Variants in RBFOX1 observed in about 807,000 individuals in gnomAD.
The protein encoded by RBFOX1 is RNA binding protein fox-1 homolog 1.
RBFOX1 carries 8 observed loss-of-function variants against 57.7 expected under a neutral mutation model. The ratio of observed to expected loss-of-function variants is 0.14; its 90% CI spans 0.08 to 0.25. The LOEUF (loss-of-function observed/expected upper bound fraction) is 0.25, where lower values mean the gene tolerates loss of function less well. Ranked by LOEUF, RBFOX1 falls within the 10% of genes least tolerant of loss-of-function variation. The pLI, the probability that RBFOX1 is intolerant of heterozygous loss-of-function variation, is 1.00. For synonymous variants in RBFOX1, 326 were observed against 222.4 expected, an observed-to-expected ratio of 1.47 and a Z score of -4.15; for missense variants, 611 against 548.5, an observed-to-expected ratio of 1.11 and a Z score of -1.14.
chr16:5,933,517 A>G (rs1188011795), intron 4 of RBFOX1, among the ~76,000 whole-genome samples: 1 of 152,174 alleles, frequency 6.6e-6, no homozygotes, highest in Non-Finnish European at 1.5e-5. Context: ...GATGTGAAAA[A>G]CGGATGCTCC....
chr16:6,671,293 T>G lies in RBFOX1; in HGVS notation c.-16+16643T>G, dbSNP rs1013512324. Among the ~76,000 whole-genome samples, 8 of 152,282 alleles carry G rather than the reference T, an allele frequency of 5.3e-5. No homozygotes were observed. The East Asian group carries it at 1.5e-3, about 29-fold the overall frequency. ...AACATGATAGAGTATTATGCGGCTA[T>G]TAAAAATGATGAATACACTTGTGTC... is the stretch of plus-strand genomic sequence containing the variant. On this transcript the variant is annotated intron_variant, in intron 3 of 15. Transcript: ENST00000550418.
At position 6,412,759 on chromosome 16, in the gene RBFOX1, G is replaced by A. The variant is rs111992880; in HGVS notation, c.-64+95702G>A. On this transcript the variant is annotated intron_variant, in intron 2 of 15. Coordinates refer to ENST00000550418, the MANE Select transcript of RBFOX1 (RefSeq NM_018723.4). Reference sequence around the variant, plus strand: ...GTGAAGCACTTACTTAGTTGTCTCGGAACCATCTAATGATCTGATTCAGTG... The same window carrying A: ...GTGAAGCACTTACTTAGTTGTCTCGAAACCATCTAATGATCTGATTCAGTG... 5.9e-5 allele frequency among the ~76,000 whole-genome samples: 9 copies of A among 152,264 alleles called. No individual in the cohort carries two copies. In the South Asian group the frequency reaches 8.3e-4, roughly 14 times the overall value.
downstream of RBFOX1, among the ~76,000 whole-genome samples, chr16:5,603,043 T>C (rs1371340126): frequency 6.6e-6 from 1 of 152,176 alleles, no homozygotes; most frequent in Non-Finnish European, 1.5e-5. Flanking sequence ...TGCTCCAGAA[T>C]GCAGAACACT....
intron 4 of RBFOX1, among the ~76,000 whole-genome samples, chr16:7,183,079 C>T (rs1316076810): frequency 2.0e-5 from 3 of 152,042 alleles, no homozygotes; most frequent in Non-Finnish European, 4.4e-5. Flanking sequence ...GCGAATGATC[C>T]CCTAACTGCC....
chr16:7,121,665 C>A (rs1231011246), intron 4 of RBFOX1, among the ~76,000 whole-genome samples: 1 of 151,880 alleles, frequency 6.6e-6, no homozygotes, highest in Non-Finnish European at 1.5e-5. Context: ...AATCAAAATT[C>A]TAGCAGGTAT....
chr16:7,192,765 C>A (rs368560453), intron 4 of RBFOX1, among the ~76,000 whole-genome samples: 4 of 152,186 alleles, frequency 2.6e-5, no homozygotes, highest in African/African-American at 9.7e-5. Flanking sequence ...TTTTTGCAAT[C>A]TTTCTGTGAG....
chr16:5,866,642 C>T (rs554791099), intron 3 of RBFOX1, among the ~76,000 whole-genome samples: 16 of 152,316 alleles, frequency 1.1e-4, no homozygotes, highest in African/African-American at 3.4e-4. Context: ...TGAACATCTA[C>T]GTGACTTTAT....
intron 3 of RBFOX1, among the ~76,000 whole-genome samples, chr16:6,762,898 G>A (rs1380330859): frequency 1.3e-5 from 2 of 152,164 alleles, no homozygotes; most frequent in Non-Finnish European, 2.9e-5. Context: ...GGTACAAAGA[G>A]AATTTCAGAG....
intron 1 of RBFOX1, among the ~76,000 whole-genome samples, chr16:6,290,666 C>T (rs548049238): frequency 5.3e-5 from 8 of 152,238 alleles, no homozygotes; most frequent in African/African-American, 1.9e-4. Context: ...TTTTACGTAT[C>T]AGGTGTTCAG....
At chr16:6,793,097 T>G (rs939285806) in intron 3 of RBFOX1, among the ~76,000 whole-genome samples, 1 of 152,060 alleles carries the variant, frequency 6.6e-6, no homozygotes, top group Non-Finnish European at 1.5e-5. Context: ...TCTGCCAGAT[T>G]GCACAAAAGT....
Position 5,388,240 on chromosome 16 carries a change from A to G in RBFOX1, c.220-78976A>G, listed in dbSNP as rs186194813. Among the ~76,000 whole-genome samples the G allele has an allele frequency of 4.1e-4, 63 of 152,254 alleles. No homozygotes were observed. In the East Asian group the frequency reaches 0.011, roughly 27 times the overall value. ...AGAGGCAGCCAGGGGTCTCTGCCTC[A>G]CCGTGCTTCTAGAACACATCTCAGA... On this transcript the variant is annotated intron_variant, in intron 1 of 2. Transcript: ENST00000585867.
chr16:6,865,850 C>A (rs923615378), intron 3 of RBFOX1, among the ~76,000 whole-genome samples: 1 of 151,956 alleles, frequency 6.6e-6, no homozygotes, highest in African/African-American at 2.4e-5. Flanking sequence ...CTCTTTTTTG[C>A]GTGTAGGCTT....
chr16:6,376,594 A>ATG (rs1225748095), intron 2 of RBFOX1, among the ~76,000 whole-genome samples: 2 of 151,798 alleles, frequency 1.3e-5, no homozygotes, highest in Non-Finnish European at 2.9e-5. Context: ...CCTGTCCTCT[A>ATG]TGTGTGTATC....
intron 1 of RBFOX1, among the ~76,000 whole-genome samples, chr16:6,315,901 C>G (rs1423545773): frequency 2.6e-5 from 4 of 152,122 alleles, no homozygotes; most frequent in Non-Finnish European, 4.4e-5. Flanking sequence ...CATACATACA[C>G]ATATGTCATC....
At chr16:7,368,929 T>C (rs2097517960) in intron 4 of RBFOX1, among the ~76,000 whole-genome samples, 1 of 152,162 alleles carries the variant, frequency 6.6e-6, no homozygotes, top group African/African-American at 2.4e-5. Flanking sequence ...CATTCATTTT[T>C]TGTGGAATGA....
intron 1 of RBFOX1, among the ~76,000 whole-genome samples, chr16:5,388,823 C>T (rs1033884149): frequency 2.6e-5 from 4 of 151,788 alleles, no homozygotes; most frequent in Admixed American, 2.6e-4. Context: ...ATGATCCACC[C>T]ACCTCAGCCT....
At chr16:6,730,480 C>T (rs972990189) in intron 3 of RBFOX1, among the ~76,000 whole-genome samples, 2 of 152,072 alleles carry the variant, frequency 1.3e-5, no homozygotes, top group Admixed American at 6.5e-5. Flanking sequence ...TATCTAATTA[C>T]CTAACTGTCT....
At chr16:7,600,491 A>G (rs1197292629) in intron 9 of RBFOX1, among the ~76,000 whole-genome samples, 2 of 152,204 alleles carry the variant, frequency 1.3e-5, no homozygotes, top group East Asian at 3.9e-4. Context: ...AAGACGATAG[A>G]GTTATGGCAA....
intron 3 of RBFOX1, among the ~76,000 whole-genome samples, chr16:6,695,830 T>C (rs2060960789): frequency 6.6e-6 from 1 of 152,364 alleles, no homozygotes; most frequent in Admixed American, 6.5e-5. Flanking sequence ...TTGTTGGTTT[T>C]GTTTTCCCTG....
Sources: gnomAD v4.1 joint callset for allele counts (sites outside exome capture counted in the v4.1 genomes callset) on GRCh38, gnomAD v4.1.1 for gene constraint, MANE v1.5 for transcripts, NCBI Gene and HGNC (gene_info 2026-07-23, HGNC 2026-07-21) for gene names.